GBF1: variants seen among roughly 807,000 people sequenced by gnomAD.
GBF1 encodes Golgi-specific brefeldin A-resistance guanine nucleotide exchange factor 1.
Under a neutral mutation model 210.5 loss-of-function variants are expected in GBF1, and 114 were observed. That is an observed-to-expected ratio of 0.54 (90% CI 0.47 to 0.63). The LOEUF (loss-of-function observed/expected upper bound fraction) is 0.63, where lower values mean the gene tolerates loss of function less well. Ranked by LOEUF, GBF1 falls within the 30% of genes least tolerant of loss-of-function variation. The pLI, the probability that GBF1 is intolerant of heterozygous loss-of-function variation, is 0.00. For missense variants in GBF1, 1,851 were observed against 2,357.7 expected, an observed-to-expected ratio of 0.79 and a Z score of 4.45; for synonymous variants, 850 against 889.2, an observed-to-expected ratio of 0.96 and a Z score of 0.78.
upstream of GBF1, chr10:102,245,505 T>A (rs2070721015): frequency 1.3e-5 from 2 of 152,340 alleles, no homozygotes; most frequent in South Asian, 4.1e-4. Flanking sequence ...CTCGCGCAGT[T>A]ACCAGGCAGC....
upstream of GBF1, among the ~76,000 whole-genome samples, chr10:102,242,974 C>T (rs574109582): frequency 6.6e-5 from 10 of 151,328 alleles, no homozygotes; most frequent in South Asian, 2.1e-3. Context: ...CACAATATGC[C>T]CCTAAGGCAA....
chr10:102,370,638 G>A, intron 28 of GBF1, 69 bp from the exon 29 acceptor site: 2 of 1,507,538 alleles, frequency 1.3e-6, no homozygotes, highest in Non-Finnish European at 1.8e-6. Flanking sequence ...AGTCCTGAAA[G>A]GCCTAGGGGA....
intron 3 of GBF1, among the ~76,000 whole-genome samples, chr10:102,285,109 C>T (rs1199942108): frequency 6.6e-6 from 1 of 152,180 alleles, no homozygotes; most frequent in Non-Finnish European, 1.5e-5. Flanking sequence ...GGATTACTTT[C>T]TTCCAAAATT....
intron 3 of GBF1, among the ~76,000 whole-genome samples, chr10:102,269,961 C>T (rs538800222): frequency 9.9e-5 from 15 of 152,006 alleles, no homozygotes; most frequent in African/African-American, 2.9e-4. Context: ...TCACTGCCAG[C>T]TCTGCCTTCC....
chr10:102,303,647 C>A (rs948229910), intron 3 of GBF1, among the ~76,000 whole-genome samples: 6 of 152,160 alleles, frequency 3.9e-5, no homozygotes, highest in Non-Finnish European at 8.8e-5. Flanking sequence ...TCAGGCAGCT[C>A]ACACCACGCA....
At chr10:102,355,563 C>A (rs992862083) in intron 8 of GBF1, among the ~76,000 whole-genome samples, 3 of 152,228 alleles carry the variant, frequency 2.0e-5, no homozygotes, top group African/African-American at 7.2e-5. Context: ...AGCCTCTTGG[C>A]CCCTACTCCA....
chr10:102,352,568 C>T (rs200460216), intron 7 of GBF1, 50 bp downstream of exon 7: 5 of 1,308,292 alleles, frequency 3.8e-6, no homozygotes, highest in African/African-American at 1.4e-5. Flanking sequence ...CCTCTTGAGT[C>T]TGCCTGCTTC....
At chr10:102,337,858 AAAAG>A (rs146478538) in intron 3 of GBF1, among the ~76,000 whole-genome samples, 1,561 of 152,104 alleles carry the variant, frequency 0.01, 24 homozygotes, top group African/African-American at 0.036. Context: ...CTCTGTCTCA[AAAAG>A]AAAGAAAGAA....
At position 102,269,110 on chromosome 10, in the gene GBF1, TC is replaced by T. The variant is rs906397814; in HGVS notation, c.163+8995del. ...TTCTGGCTGTCTGTTGGCTGGGTTC[TC>T]ATGGCATGTCTCTTCTGTAACATCA... On this transcript the variant is annotated intron_variant, in intron 3 of 39. Transcript: ENST00000369983. Among the ~76,000 whole-genome samples the T allele has an allele frequency of 2.0e-5, 3 of 152,232 alleles. No homozygotes were observed. In the South Asian group the frequency reaches 6.2e-4, roughly 32 times the overall value.
chr10:102,382,642 T>C lies in GBF1; in HGVS notation c.*306T>C. Reference sequence around the variant, plus strand: ...AGGCATCCGTGTGCCGGCCCTGCAGTGCCTGCCCACGGTCAGGCATTGAAA... The same window carrying C: ...AGGCATCCGTGTGCCGGCCCTGCAGCGCCTGCCCACGGTCAGGCATTGAAA... On this transcript the variant is annotated 3_prime_UTR_variant, in exon 40 of 40. Coordinates refer to ENST00000369983, the MANE Select transcript of GBF1 (RefSeq NM_001377137.1). The C allele has an allele frequency of 2.9e-6, 1 of 341,516 alleles. No homozygotes were observed. The allele number at this position is 341,516 out of a possible 1,614,324, so 21.2% of individuals were successfully genotyped here.
chr10:102,277,947 A>G (rs1040689025), intron 3 of GBF1, among the ~76,000 whole-genome samples: 1 of 151,904 alleles, frequency 6.6e-6, no homozygotes, highest in Non-Finnish European at 1.5e-5. Context: ...GCTTCATGAC[A>G]TTAGCATTAA....
intron 4 of GBF1, among the ~76,000 whole-genome samples, chr10:102,346,739 C>T (rs1252996325): frequency 6.6e-6 from 1 of 152,170 alleles, no homozygotes; most frequent in Admixed American, 6.5e-5. Flanking sequence ...AACTCCTGAG[C>T]TCAAGAAATC....
intron 12 of GBF1, 48 bp from the exon 13 acceptor site, chr10:102,360,974 C>CAAAAAAAAAAA: frequency 1.4e-6 from 1 of 694,988 alleles, no homozygotes; most frequent in Admixed American, 2.6e-5. Context: ...AACTCCGCCT[C>CAAAAAAAAAAA]AAAAAAAAAA....
At chr10:102,285,724 T>A (rs1455772003) in intron 3 of GBF1, among the ~76,000 whole-genome samples, 1 of 152,224 alleles carries the variant, frequency 6.6e-6, no homozygotes, top group Non-Finnish European at 1.5e-5. Context: ...ATTAGTTTCT[T>A]CTTGTGAAAG....
rs763851169 is a variant in GBF1 at position 102,363,216 on chromosome 10, T to TA, written c.1877-39dup. On this transcript the variant is annotated intron_variant, in intron 15 of 39. Transcript: ENST00000369983. This position sits in a 1 kb window ranked among gnomAD's most constrained non-coding sequence, Gnocchi z 4.2. ...TATCCTGCAGCTCTGCTTGGCTTCA[T>TA]ACCCTATAAGTCTTCACGTATCTTC... The TA allele has an allele frequency of 2.6e-6, 4 of 1,567,814 alleles. No individual in the cohort carries two copies. In the Admixed American group the frequency reaches 7.0e-5, roughly 27 times the overall value.
At chr10:102,375,688 C>G in intron 30 of GBF1, 104 bp downstream of exon 30, 1 of 731,410 alleles carries the variant, frequency 1.4e-6, no homozygotes, top group South Asian at 1.7e-5. Flanking sequence ...GCAGATTAAA[C>G]AGCCCTGGCT....
At chr10:102,325,711 A>G (rs1314368740) in intron 3 of GBF1, among the ~76,000 whole-genome samples, 1 of 151,774 alleles carries the variant, frequency 6.6e-6, no homozygotes, top group Non-Finnish European at 1.5e-5. Context: ...GTGCGGTGGC[A>G]CAATCTTGGC....
At chr10:102,361,605 A>G in intron 13 of GBF1, 113 bp from the exon 14 acceptor site, 1 of 672,244 alleles carries the variant, frequency 1.5e-6, no homozygotes, top group Non-Finnish European at 2.5e-6. Flanking sequence ...CTCTTAATAC[A>G]TGCCTCTAGG....
rs775019750 is a variant in GBF1 at position 102,362,601 on chromosome 10, GAGA to G, written c.1819_1821del (p.Lys607del). On this transcript the variant is annotated inframe_deletion, in exon 15 of 40. Coordinates refer to ENST00000369983, the MANE Select transcript of GBF1 (RefSeq NM_001377137.1). ...AGTCCTCAACAGCCTCACCCAGCAA[GAGA>G]AGAAGGAGACAGCCAGACCAAGCTG... The G allele has an allele frequency of 1.8e-5, 29 of 1,614,218 alleles. No individual in the cohort carries two copies. The South Asian group carries it at 2.0e-4, about 11-fold the overall frequency.
Sources: gnomAD v4.1 joint callset for allele counts (sites outside exome capture counted in the v4.1 genomes callset) on GRCh38, gnomAD v4.1.1 for gene constraint, Gnocchi (gnomAD v3.1) non-coding constraint, MANE v1.5 for transcripts, NCBI Gene and HGNC (gene_info 2026-07-23, HGNC 2026-07-21) for gene names.